CSMD1: variants seen among roughly 807,000 people sequenced by gnomAD.
The protein encoded by CSMD1 is CUB and Sushi multiple domains 1.
Under a neutral mutation model 417.5 loss-of-function variants are expected in CSMD1, and 213 were observed. The ratio of observed to expected loss-of-function variants is 0.51; its 90% CI spans 0.46 to 0.57. The LOEUF (loss-of-function observed/expected upper bound fraction) is 0.57, where lower values mean the gene tolerates loss of function less well. Among genes scored for constraint, CSMD1 ranks in the 20% least tolerant of loss-of-function variants. CSMD1 has a pLI of 0.00. For missense variants in CSMD1, 6,923 were observed against 4,529.7 expected, an observed-to-expected ratio of 1.53 and a Z score of -15.17; for synonymous variants, 2,862 against 1,736.8, an observed-to-expected ratio of 1.65 and a Z score of -16.11.
rs920090181 is a variant in CSMD1, at chr8:4,547,660, G to A, written c.302+89682C>T. Among the ~76,000 whole-genome samples, 12 of 152,242 alleles carry A rather than the reference G, an allele frequency of 7.9e-5. No individual in the cohort carries two copies. The South Asian group carries it at 1.0e-3, about 13-fold the overall frequency. On this transcript the variant is annotated intron_variant, in intron 2 of 69. Transcript: ENST00000635120. ...ACATTATACTCAATGAATGTAAAAC[G>A]AATGATTGAGTTCTGTATGAGAAAT...
intron 3 of CSMD1, among the ~76,000 whole-genome samples, chr8:4,159,239 C>A (rs577749901): frequency 1.4e-4 from 21 of 152,184 alleles, no homozygotes; most frequent in African/African-American, 5.1e-4. Flanking sequence ...TGATAGATAA[C>A]CGTGAAATGT....
chr8:3,967,826 T>C (rs7006350), intron 5 of CSMD1, among the ~76,000 whole-genome samples: 1,818 of 152,052 alleles, frequency 0.012, 40 homozygotes, highest in African/African-American at 0.041. Context: ...CGCTTATAGA[T>C]AAGGAAAGTA....
intron 3 of CSMD1, among the ~76,000 whole-genome samples, chr8:4,080,863 T>A (rs1800093152): frequency 6.6e-6 from 1 of 152,206 alleles, no homozygotes; most frequent in African/African-American, 2.4e-5. Flanking sequence ...TTTGTTTACT[T>A]CCAAAACTCT....
intron 5 of CSMD1, among the ~76,000 whole-genome samples, chr8:3,794,803 G>A (rs1345087050): frequency 6.6e-6 from 1 of 151,854 alleles, no homozygotes; most frequent in African/African-American, 2.4e-5. Flanking sequence ...CAACCAACTT[G>A]TCAATAAACT....
chr8:4,967,548 C>T (rs1446635762), intron 1 of CSMD1, among the ~76,000 whole-genome samples: 1 of 152,086 alleles, frequency 6.6e-6, no homozygotes, highest in East Asian at 1.9e-4. Context: ...AATATTTTCC[C>T]CCATGCAAAT....
At chr8:3,366,135 G>C (rs557244750) in intron 20 of CSMD1, among the ~76,000 whole-genome samples, 20 of 152,166 alleles carry the variant, frequency 1.3e-4, no homozygotes, top group Admixed American at 1.2e-3. Flanking sequence ...TGAGGAATAA[G>C]GAAGGAAAAC....
At chr8:4,463,645 G>C (rs1341507148) in intron 2 of CSMD1, among the ~76,000 whole-genome samples, 1 of 152,106 alleles carries the variant, frequency 6.6e-6, no homozygotes, top group South Asian at 2.1e-4. Flanking sequence ...GAAAGAGCTA[G>C]TCACAAAACA....
chr8:4,584,882 T>C (rs1177646325), intron 2 of CSMD1, among the ~76,000 whole-genome samples: 1 of 152,102 alleles, frequency 6.6e-6, no homozygotes, highest in Admixed American at 6.5e-5. Context: ...CAACTGTGGA[T>C]TGCATTGGAT....
At chr8:4,186,235 T>G (rs958951542) in intron 3 of CSMD1, among the ~76,000 whole-genome samples, 2 of 152,160 alleles carry the variant, frequency 1.3e-5, no homozygotes, top group Non-Finnish European at 2.9e-5. Context: ...CAAACTGTGT[T>G]GCCATACTCA....
At chr8:3,580,047 C>T (rs13267941) in intron 9 of CSMD1, among the ~76,000 whole-genome samples, 1 of 151,710 alleles carries the variant, frequency 6.6e-6, no homozygotes, top group African/African-American at 2.4e-5. Flanking sequence ...GAAGTTGCAG[C>T]GAGCCAAGAT....
chr8:3,366,972 A>G, intron 20 of CSMD1, 60 bp downstream of exon 20: 1 of 1,287,316 alleles, frequency 7.8e-7, no homozygotes, highest in South Asian at 1.2e-5. Context: ...ACACATTCTC[A>G]CTAACAGAAA....
intron 50 of CSMD1, among the ~76,000 whole-genome samples, chr8:3,037,923 G>T (rs1024172205): frequency 3.3e-5 from 5 of 152,038 alleles, no homozygotes; most frequent in African/African-American, 1.2e-4. Context: ...ATATTCTTAG[G>T]GTTTCGAATC....
intron 3 of CSMD1, among the ~76,000 whole-genome samples, chr8:4,375,368 C>T (rs1802666530): frequency 6.6e-6 from 1 of 152,064 alleles, no homozygotes; most frequent in South Asian, 2.1e-4. Context: ...CACACAGGGG[C>T]ACTTTTGAGA....
At chr8:3,641,112 T>A (rs991765641) in intron 7 of CSMD1, among the ~76,000 whole-genome samples, 11 of 147,548 alleles carry the variant, frequency 7.5e-5, no homozygotes, top group Admixed American at 6.2e-4. Flanking sequence ...AAAGTTAGAC[T>A]GAAGTTATTG....
At chr8:4,371,778 T>C (rs970015016) in intron 3 of CSMD1, among the ~76,000 whole-genome samples, 2 of 152,220 alleles carry the variant, frequency 1.3e-5, no homozygotes, top group Non-Finnish European at 2.9e-5. Flanking sequence ...TAGACAAATA[T>C]TGTTTTTTAA....
At chr8:4,064,319 G>C (rs1404908791) in intron 3 of CSMD1, among the ~76,000 whole-genome samples, 1 of 152,104 alleles carries the variant, frequency 6.6e-6, no homozygotes, top group Non-Finnish European at 1.5e-5. Flanking sequence ...GGCTCCATAT[G>C]GTGTTTCATA....
intron 2 of CSMD1, among the ~76,000 whole-genome samples, chr8:4,524,003 G>C (rs149306586): frequency 2.0e-4 from 30 of 152,104 alleles, no homozygotes; most frequent in Middle Eastern, 3.4e-3. Context: ...CCCTATGTTA[G>C]GTTTTGGATC....
intron 3 of CSMD1, among the ~76,000 whole-genome samples, chr8:4,213,744 G>C (rs146181851): frequency 2.0e-5 from 3 of 152,326 alleles, no homozygotes; most frequent in Admixed American, 1.3e-4. Context: ...GAATGGGGTA[G>C]AACATGGCTG....
intron 8 of CSMD1, among the ~76,000 whole-genome samples, chr8:3,611,720 T>G (rs1035705606): frequency 6.6e-6 from 1 of 152,144 alleles, no homozygotes; most frequent in African/African-American, 2.4e-5. Flanking sequence ...TATCAACAAA[T>G]GTATTTTTGT....
Sources: allele counts gnomAD v4.1 joint callset (sites outside exome capture counted in the v4.1 genomes callset), GRCh38; gene constraint gnomAD v4.1.1; transcripts MANE v1.5; gene names NCBI Gene and HGNC (gene_info 2026-07-23, HGNC 2026-07-21).